Variants in MAP3K8 observed in about 807,000 individuals in gnomAD.
The protein encoded by MAP3K8 is mitogen-activated protein kinase kinase kinase 8.
Under a neutral mutation model 45.8 loss-of-function variants are expected in MAP3K8, and 22 were observed. The observed-to-expected ratio is 0.48, with a 90% CI of 0.34 to 0.69. The LOEUF is 0.69. Among genes scored for constraint, MAP3K8 ranks in the 30% least tolerant of loss-of-function variants. The probability of loss-of-function intolerance (pLI) is 0.01; values close to 1 mark genes in which losing one functional copy is unlikely to be tolerated. For missense variants in MAP3K8, 419 were observed against 585.0 expected (o/e 0.72, Z 2.93); for synonymous variants, 223 against 214.3 (o/e 1.04, Z -0.36).
rs371438608 is a variant in MAP3K8, at chr10:30,459,403, G to A, written c.1175G>A (p.Arg392Lys). ...AAACATGAGGCCCTGAACCCGCCCAGAGAGGATCAGCCACGCTGTCAGAGT... is the reference window on the plus strand; with the variant it reads ...AAACATGAGGCCCTGAACCCGCCCAAAGAGGATCAGCCACGCTGTCAGAGT... ...LLKHEALNPP[R>K]EDQPRCQSLD... Residue 392 changes from arginine to lysine, a missense_variant, in exon 8 of 9, where the codon AGA (arginine) becomes AAA (lysine). By Grantham distance (26) the Arg-to-Lys change is conservative. Coordinates refer to ENST00000263056, the MANE Select transcript of MAP3K8 (RefSeq NM_005204.4). 42 of 1,614,088 alleles carry A rather than the reference G, an allele frequency of 2.6e-5. 1 individual carries two copies. The highest frequency in any genetic ancestry group is 3.3e-5 in the Non-Finnish European group (39 of 1,180,038).
intron 3 of MAP3K8, among the ~76,000 whole-genome samples, chr10:30,446,270 C>T (rs992910137): frequency 1.3e-5 from 2 of 152,006 alleles, no homozygotes; most frequent in South Asian, 2.1e-4. Context: ...CGCCGTGGCT[C>T]ACGCCTGTAA....
At chr10:30,444,855 A>T (rs535606886) in intron 3 of MAP3K8, among the ~76,000 whole-genome samples, 27 of 152,348 alleles carry the variant, frequency 1.8e-4, no homozygotes, top group Admixed American at 1.0e-3. Flanking sequence ...ACTAGGAGGT[A>T]TGCTTTGGAG....
At chr10:30,459,657 CA>C (rs1406172786) in intron 8 of MAP3K8, among the ~76,000 whole-genome samples, 156 bp downstream of exon 8, 1 of 151,526 alleles carries the variant, frequency 6.6e-6, no homozygotes, top group Non-Finnish European at 1.5e-5. Flanking sequence ...TTAGCAGAAG[CA>C]TGTTTTTTTT....
intron 3 of MAP3K8, 129 bp downstream of exon 3, chr10:30,439,403 C>A: frequency 7.0e-7 from 1 of 1,432,110 alleles, no homozygotes; most frequent in Non-Finnish European, 9.3e-7. Context: ...ATGTAATCAT[C>A]AGTAAGAAGT....
intron 4 of MAP3K8, among the ~76,000 whole-genome samples, chr10:30,449,271 G>A (rs1836452730): frequency 6.6e-6 from 1 of 152,148 alleles, no homozygotes; most frequent in Non-Finnish European, 1.5e-5. Flanking sequence ...TTGAGACGGA[G>A]TCTAGCTCTG....
At chr10:30,435,852 T>C (rs558936570) in intron 1 of MAP3K8, among the ~76,000 whole-genome samples, 41 of 152,344 alleles carry the variant, frequency 2.7e-4, no homozygotes, top group Non-Finnish European at 4.7e-4. Flanking sequence ...CCTAAAAAAA[T>C]ATTTTAAATG....
chr10:30,436,129 T>A (rs889044843), intron 1 of MAP3K8, among the ~76,000 whole-genome samples: 1 of 152,330 alleles, frequency 6.6e-6, no homozygotes, highest in South Asian at 2.1e-4. Context: ...GGTTAGGAAG[T>A]AGGAATTTTA....
intron 3 of MAP3K8, among the ~76,000 whole-genome samples, chr10:30,445,083 A>G (rs1202970745): frequency 6.6e-6 from 1 of 152,202 alleles, no homozygotes; most frequent in South Asian, 2.1e-4. Context: ...CTTGGACAGA[A>G]TAAGAGGACA....
At chr10:30,453,883 GAAAA>G (rs371937321) in intron 6 of MAP3K8, among the ~76,000 whole-genome samples, 1 of 122,906 alleles carries the variant, frequency 8.1e-6, no homozygotes, top group Non-Finnish European at 1.7e-5. Flanking sequence ...AAAAAAAAAA[GAAAA>G]AAAGAAGGAA....
rs561330391 is a variant in MAP3K8, at chr10:30,447,218, G to A, written c.337-564G>A. Among the ~76,000 whole-genome samples the A allele has an allele frequency of 6.6e-5, 10 of 152,304 alleles. No homozygotes were observed. The South Asian group carries it at 8.3e-4, about 13-fold the overall frequency. On this transcript the variant is annotated intron_variant, in intron 3 of 8. Transcript: ENST00000263056. ...GCAAGCAATAGATAACAATGCATGC[G>A]ATAGATATTAAGTGAGCAAGTAGAT...
At chr10:30,453,964 AAAAG>A (rs1371971371) in intron 6 of MAP3K8, among the ~76,000 whole-genome samples, 17 of 139,004 alleles carry the variant, frequency 1.2e-4, no homozygotes, top group African/African-American at 2.0e-4. Flanking sequence ...AGGAGAAAGA[AAAAG>A]GAAGGAAGGA....
At chr10:30,454,639 A>G (rs940932495) in intron 6 of MAP3K8, among the ~76,000 whole-genome samples, 1 of 151,952 alleles carries the variant, frequency 6.6e-6, no homozygotes, top group African/African-American at 2.4e-5. Flanking sequence ...CCCGGGCAGC[A>G]GAAGAAATCC....
Position 30,451,621 on chromosome 10 carries a change from A to C in MAP3K8, c.767-17A>C. On this transcript the variant is annotated splice_polypyrimidine_tract_variant and intron_variant, in intron 5 of 8. Coordinates refer to ENST00000263056, the MANE Select transcript of MAP3K8 (RefSeq NM_005204.4). The stretch of plus-strand genomic sequence containing the variant: ...ATATAAAAAATTTTATCTTAAAAAT[A>C]TTTCCTCTCATTTTAGCTAGCAACA... 121 of 1,325,632 alleles carry C rather than the reference A, an allele frequency of 9.1e-5. No homozygotes were observed. The highest frequency in any genetic ancestry group is 1.2e-4 in the Non-Finnish European group (113 of 938,850). 82.1% of individuals were successfully genotyped at this position (1,325,632 alleles called of 1,614,324 possible).
chr10:30,453,267 G>A (rs1208112072), intron 6 of MAP3K8, among the ~76,000 whole-genome samples: 1 of 151,830 alleles, frequency 6.6e-6, no homozygotes, highest in Admixed American at 6.6e-5. Context: ...AAATATATTA[G>A]TGATATAACT....
chr10:30,454,266 T>G (rs1373141083), intron 6 of MAP3K8, among the ~76,000 whole-genome samples: 4 of 152,168 alleles, frequency 2.6e-5, no homozygotes, highest in Non-Finnish European at 5.9e-5. Context: ...ACCCTTAGTC[T>G]AGTCTAGCTA....
intron 4 of MAP3K8, among the ~76,000 whole-genome samples, chr10:30,448,765 G>T (rs1232805521): frequency 6.6e-6 from 1 of 151,846 alleles, no homozygotes; most frequent in Non-Finnish European, 1.5e-5. Context: ...AACTGCCAAG[G>T]TGCCACTACT....
chr10:30,444,106 C>T (rs1162673759), intron 3 of MAP3K8, among the ~76,000 whole-genome samples: 1 of 151,754 alleles, frequency 6.6e-6, no homozygotes, highest in Non-Finnish European at 1.5e-5. Flanking sequence ...GGGAGGATCA[C>T]TTGAGTCTGG....
chr10:30,444,777 A>G (rs553204645), intron 3 of MAP3K8, among the ~76,000 whole-genome samples: 67 of 152,374 alleles, frequency 4.4e-4, no homozygotes, highest in African/African-American at 1.6e-3. Context: ...CCGGCATTTA[A>G]TAACTGGGTT....
At chr10:30,443,993 G>A (rs1387102647) in intron 3 of MAP3K8, among the ~76,000 whole-genome samples, 1 of 151,332 alleles carries the variant, frequency 6.6e-6, no homozygotes, top group Non-Finnish European at 1.5e-5. Context: ...TTTGGGACCA[G>A]CCTGGGCAAC....
Sources: allele counts gnomAD v4.1 joint callset (sites outside exome capture counted in the v4.1 genomes callset), GRCh38; gene constraint gnomAD v4.1.1; transcripts MANE v1.5; gene names NCBI Gene and HGNC (gene_info 2026-07-23, HGNC 2026-07-21).